ZBTB7C: variants seen among roughly 807,000 people sequenced by gnomAD.
ZBTB7C encodes the protein zinc finger and BTB domain-containing protein 7C.
A neutral mutation model predicts 25.7 loss-of-function variants in ZBTB7C; 8 were observed. That is an observed-to-expected ratio of 0.31 (90% CI 0.18 to 0.56). ZBTB7C has a LOEUF of 0.56. ZBTB7C is among the 20% of genes least tolerant of loss of function. The probability of loss-of-function intolerance (pLI) is 0.91; values close to 1 mark genes in which losing one functional copy is unlikely to be tolerated. For missense variants in ZBTB7C, 824 were observed against 855.2 expected, an observed-to-expected ratio of 0.96 and a Z score of 0.46; for synonymous variants, 394 against 369.0, an observed-to-expected ratio of 1.07 and a Z score of -0.78.
intron 1 of ZBTB7C, among the ~76,000 whole-genome samples, chr18:48,394,981 G>A (rs982792948): frequency 3.3e-5 from 5 of 152,130 alleles, no homozygotes; most frequent in African/African-American, 1.2e-4. Flanking sequence ...GACAGGAATT[G>A]GAATTTTGCA....
intron 3 of ZBTB7C, among the ~76,000 whole-genome samples, chr18:48,081,457 T>G (rs568384982): frequency 6.3e-5 from 7 of 110,378 alleles, no homozygotes; most frequent in Non-Finnish European, 1.6e-4. Context: ...TTCTTTTTCT[T>G]TTTCTTTTTT....
intron 2 of ZBTB7C, among the ~76,000 whole-genome samples, chr18:48,228,703 T>C (rs2043168414): frequency 6.7e-6 from 1 of 150,296 alleles, no homozygotes; most frequent in East Asian, 2.0e-4. Context: ...CCAGAGGCCT[T>C]TCAGCTCAGA....
intron 1 of ZBTB7C, among the ~76,000 whole-genome samples, chr18:48,372,255 C>G (rs2047405848): frequency 6.6e-6 from 1 of 152,174 alleles, no homozygotes. Context: ...CTAATTCATT[C>G]TATACTCCAC....
intron 3 of ZBTB7C, among the ~76,000 whole-genome samples, chr18:48,112,285 T>C (rs2144672480): frequency 7.0e-6 from 1 of 143,122 alleles, no homozygotes; most frequent in Middle Eastern, 3.6e-3. Flanking sequence ...TTTTGCCTTC[T>C]CTCTCTCCCT....
At chr18:48,296,154 C>T (rs2045383045) in intron 2 of ZBTB7C, among the ~76,000 whole-genome samples, 1 of 152,220 alleles carries the variant, frequency 6.6e-6, no homozygotes, top group Non-Finnish European at 1.5e-5. Flanking sequence ...TTGGTCTCAG[C>T]ACCTGCCCAA....
chr18:48,359,871 T>C (rs1263048922), intron 1 of ZBTB7C, among the ~76,000 whole-genome samples: 1 of 152,188 alleles, frequency 6.6e-6, no homozygotes, highest in African/African-American at 2.4e-5. Context: ...GCTTAACATC[T>C]GTGGGGACTT....
chr18:48,284,189 C>T (rs908113451), intron 2 of ZBTB7C, among the ~76,000 whole-genome samples: 3 of 152,160 alleles, frequency 2.0e-5, no homozygotes, highest in African/African-American at 7.2e-5. Flanking sequence ...GGCACAGTGG[C>T]TCATGCCTGT....
chr18:48,155,870 G>A (rs150044674), intron 3 of ZBTB7C, among the ~76,000 whole-genome samples: 4 of 152,252 alleles, frequency 2.6e-5, no homozygotes, highest in African/African-American at 7.2e-5. Flanking sequence ...ATCTCAAACT[G>A]TACTGTGTGA....
At chr18:48,304,696 C>T (rs1203430632) in intron 2 of ZBTB7C, among the ~76,000 whole-genome samples, 4 of 152,034 alleles carry the variant, frequency 2.6e-5, no homozygotes, top group Admixed American at 2.6e-4. Flanking sequence ...CAAAACTTAG[C>T]TTGCCATGGT....
intron 3 of ZBTB7C, chr18:48,083,957 C>T (rs925691999): frequency 1.1e-5 from 10 of 921,636 alleles, no homozygotes; most frequent in South Asian, 5.0e-5. Flanking sequence ...GACCTGAGAC[C>T]GACTCTCCAG....
At chr18:48,354,117 A>G (rs976912601) in intron 1 of ZBTB7C, among the ~76,000 whole-genome samples, 2 of 152,186 alleles carry the variant, frequency 1.3e-5, no homozygotes, top group African/African-American at 4.8e-5. Context: ...TACACCTGTA[A>G]TTCACATCTG....
chr18:48,030,106 A>T (rs2035680269), intron 4 of ZBTB7C, among the ~76,000 whole-genome samples, 195 bp from the exon 5 acceptor site: 1 of 152,152 alleles, frequency 6.6e-6, no homozygotes, highest in Non-Finnish European at 1.5e-5. Flanking sequence ...CCTGGATTAA[A>T]GGGATGCGGA....
At chr18:48,406,185 C>G (rs1019337524) in intron 1 of ZBTB7C, among the ~76,000 whole-genome samples, 1 of 152,148 alleles carries the variant, frequency 6.6e-6, no homozygotes, top group African/African-American at 2.4e-5. Flanking sequence ...CGCCCAAGTT[C>G]CCACAGCCTG....
In ZBTB7C at chr18:48,278,805, C is replaced by T. The variant is rs575193837; in HGVS notation, c.-79+59369G>A. On this transcript the variant is annotated intron_variant, in intron 2 of 4. Coordinates refer to ENST00000590800, the MANE Select transcript of ZBTB7C (RefSeq NM_001318841.2). The stretch of plus-strand genomic sequence containing the variant: ...CAGTATATTTAGGGCTGGTTTGCCA[C>T]GTGGCAATAAACAACCGAAACACCG... Among the ~76,000 whole-genome samples the T allele has an allele frequency of 2.0e-4, 31 of 152,266 alleles. No individual in the cohort carries two copies. In the South Asian group the frequency reaches 3.9e-3, roughly 19 times the overall value.
At chr18:48,310,208 CAACAGAGTGAGACTCCACCTCA>C (rs1329341324) in intron 2 of ZBTB7C, among the ~76,000 whole-genome samples, 1 of 149,628 alleles carries the variant, frequency 6.7e-6, no homozygotes, top group African/African-American at 2.5e-5. Flanking sequence ...CCAGCCTGGG[CAACAGAGTGAGACTCCACCTCA>C]AAAAAAAAAA....
At chr18:48,188,379 T>C (rs1233260596) in intron 2 of ZBTB7C, among the ~76,000 whole-genome samples, 1 of 151,866 alleles carries the variant, frequency 6.6e-6, no homozygotes, top group South Asian at 2.1e-4. Context: ...GAATGCAGAG[T>C]GAAGAGGAGG....
At chr18:48,200,971 C>T (rs2042431165) in intron 2 of ZBTB7C, among the ~76,000 whole-genome samples, 1 of 152,198 alleles carries the variant, frequency 6.6e-6, no homozygotes, top group Admixed American at 6.5e-5. Context: ...CCCCAGGCAC[C>T]ACCCCCTTGG....
At chr18:48,348,461 G>C (rs560645461) in intron 1 of ZBTB7C, among the ~76,000 whole-genome samples, 1 of 152,304 alleles carries the variant, frequency 6.6e-6, no homozygotes, top group Admixed American at 6.5e-5. Flanking sequence ...TTCCCCACTA[G>C]GGCAAGGACC....
chr18:48,068,630 T>C (rs1424428804), intron 3 of ZBTB7C, among the ~76,000 whole-genome samples: 1 of 152,192 alleles, frequency 6.6e-6, no homozygotes, highest in Admixed American at 6.6e-5. Context: ...CAACCCAGGC[T>C]GAGGGCCATG....
Sources: allele counts gnomAD v4.1 joint callset (sites outside exome capture counted in the v4.1 genomes callset), GRCh38; gene constraint gnomAD v4.1.1; transcripts MANE v1.5; gene names NCBI Gene and HGNC (gene_info 2026-07-23, HGNC 2026-07-21).